The following UNC5C variants were observed in gnomAD, a reference collection of about 807,000 sequenced individuals.
The protein encoded by UNC5C is netrin receptor UNC5C.
Under a neutral mutation model 99.8 loss-of-function variants are expected in UNC5C, and 47 were observed. The observed-to-expected ratio is 0.47, with a 90% confidence interval of 0.37 to 0.60. The LOEUF (loss-of-function observed/expected upper bound fraction) is 0.60, where lower values mean the gene tolerates loss of function less well. Among genes scored for constraint, UNC5C ranks in the 20% least tolerant of loss-of-function variants. The pLI is 0.00. For synonymous variants in UNC5C, 487 were observed against 452.2 expected, an observed-to-expected ratio of 1.08 and a Z score of -0.98; for missense variants, 1,062 against 1,165.9, an observed-to-expected ratio of 0.91 and a Z score of 1.30.
At chr4:95,281,988 C>G (rs1424993862) in intron 3 of UNC5C, among the ~76,000 whole-genome samples, 1 of 152,140 alleles carries the variant, frequency 6.6e-6, no homozygotes, top group Non-Finnish European at 1.5e-5. Context: ...GCCAAATGTC[C>G]CCTAAGGGGA....
At chr4:95,282,877 G>A (rs541083870) in intron 3 of UNC5C, among the ~76,000 whole-genome samples, 27 of 152,214 alleles carry the variant, frequency 1.8e-4, no homozygotes, top group African/African-American at 6.5e-4. Context: ...TTTCAGTTTT[G>A]TGGCTGGTTT....
chr4:95,319,996 A>G (rs1742621355), intron 2 of UNC5C, among the ~76,000 whole-genome samples: 1 of 152,200 alleles, frequency 6.6e-6, no homozygotes. Flanking sequence ...TAATATTTAA[A>G]TTTTAGGAGA....
intron 3 of UNC5C, among the ~76,000 whole-genome samples, 175 bp from the exon 4 acceptor site, chr4:95,278,537 T>C (rs556820582): frequency 4.6e-5 from 7 of 152,102 alleles, no homozygotes; most frequent in South Asian, 2.1e-4. Context: ...TGCAGTGGTG[T>C]GATCACAGCT....
chr4:95,538,185 A>T (rs752774171), intron 1 of UNC5C, among the ~76,000 whole-genome samples: 30 of 152,206 alleles, frequency 2.0e-4, no homozygotes, highest in Non-Finnish European at 3.8e-4. Context: ...AGGGAAAAAA[A>T]TTATAGAACT....
chr4:95,275,769 A>G (rs1005551503), intron 4 of UNC5C, among the ~76,000 whole-genome samples: 2 of 152,212 alleles, frequency 1.3e-5, no homozygotes, highest in Non-Finnish European at 2.9e-5. Flanking sequence ...TACTTCCTCA[A>G]TAGAACTAGC....
chr4:95,354,287 G>T (rs972163102), intron 1 of UNC5C, among the ~76,000 whole-genome samples: 1 of 151,402 alleles, frequency 6.6e-6, no homozygotes, highest in East Asian at 1.9e-4. Flanking sequence ...ATCCAAGCTT[G>T]CCCACATGGT....
At chr4:95,267,253 T>C (rs1740482991) in intron 4 of UNC5C, among the ~76,000 whole-genome samples, 2 of 152,220 alleles carry the variant, frequency 1.3e-5, no homozygotes, top group South Asian at 4.1e-4. Flanking sequence ...AGAAGGAATG[T>C]GTCCCAGGGT....
chr4:95,541,444 C>T (rs1216141461), intron 1 of UNC5C, among the ~76,000 whole-genome samples: 1 of 152,078 alleles, frequency 6.6e-6, no homozygotes, highest in Admixed American at 6.6e-5. Flanking sequence ...AAAGTATCTC[C>T]TGCATTTAAG....
chr4:95,332,597 A>C (rs1452579862), intron 2 of UNC5C, among the ~76,000 whole-genome samples: 1 of 151,712 alleles, frequency 6.6e-6, no homozygotes, highest in Non-Finnish European at 1.5e-5. Context: ...CTTAAACGTT[A>C]GACCTAAAAG....
At chr4:95,508,509 A>T (rs1255480494) in intron 1 of UNC5C, among the ~76,000 whole-genome samples, 1 of 151,998 alleles carries the variant, frequency 6.6e-6, no homozygotes, top group East Asian at 1.9e-4. Context: ...GTCAATATGA[A>T]TTCTCTGCTC....
chr4:95,451,080 G>GACTT (rs1747267549), intron 1 of UNC5C, among the ~76,000 whole-genome samples: 2 of 152,310 alleles, frequency 1.3e-5, no homozygotes, highest in African/African-American at 4.8e-5. Flanking sequence ...AAAAATCTAT[G>GACTT]ACTTACGTAG....
intron 12 of UNC5C, among the ~76,000 whole-genome samples, chr4:95,201,764 C>T (rs558322908): frequency 2.1e-4 from 32 of 151,952 alleles, no homozygotes; most frequent in African/African-American, 4.4e-4. Context: ...CCATCATGCC[C>T]GGCTAATTTT....
At chr4:95,529,956 G>A (rs1330082386) in intron 1 of UNC5C, among the ~76,000 whole-genome samples, 1 of 152,132 alleles carries the variant, frequency 6.6e-6, no homozygotes, top group Non-Finnish European at 1.5e-5. Context: ...GGTAATTCTT[G>A]AATCTGTCTT....
chr4:95,478,888 C>T (rs185025617), intron 1 of UNC5C, among the ~76,000 whole-genome samples: 2 of 151,710 alleles, frequency 1.3e-5, no homozygotes, highest in Non-Finnish European at 2.9e-5. Context: ...AGCAAGTTCT[C>T]GCTCCATTAG....
At chr4:95,536,274 C>T (rs1722781190) in intron 1 of UNC5C, among the ~76,000 whole-genome samples, 1 of 151,998 alleles carries the variant, frequency 6.6e-6, no homozygotes, top group Admixed American at 6.6e-5. Context: ...TGGGATTTCA[C>T]CAGGTTGGCT....
chr4:95,265,260 G>C (rs563597039), intron 4 of UNC5C, among the ~76,000 whole-genome samples: 44 of 152,006 alleles, frequency 2.9e-4, no homozygotes, highest in Admixed American at 1.6e-3. Flanking sequence ...TTACTTTTTA[G>C]ATAATTCCAT....
At chr4:95,399,443 A>T (rs898155535) in intron 1 of UNC5C, among the ~76,000 whole-genome samples, 9 of 152,214 alleles carry the variant, frequency 5.9e-5, no homozygotes, top group African/African-American at 2.2e-4. Flanking sequence ...AAATTGGATT[A>T]TGTCAGTCCC....
At chr4:95,244,366 T>C (rs1739427450) in intron 6 of UNC5C, among the ~76,000 whole-genome samples, 1 of 152,112 alleles carries the variant, frequency 6.6e-6, no homozygotes, top group South Asian at 2.1e-4. Flanking sequence ...TGCTAAGAGG[T>C]GGAGAGATGC....
chr4:95,319,801 A>G (rs1038958202), intron 2 of UNC5C, among the ~76,000 whole-genome samples: 1 of 152,116 alleles, frequency 6.6e-6, no homozygotes, highest in Non-Finnish European at 1.5e-5. Context: ...CAAAGATGCC[A>G]AAAAAATGAT....
Sources: gnomAD v4.1 joint callset for allele counts (sites outside exome capture counted in the v4.1 genomes callset) on GRCh38, gnomAD v4.1.1 for gene constraint, MANE v1.5 for transcripts, NCBI Gene and HGNC (gene_info 2026-07-23, HGNC 2026-07-21) for gene names.